GOLGA1: variants seen among roughly 807,000 people sequenced by gnomAD.
GOLGA1 encodes the protein golgin subfamily A member 1.
Under a neutral mutation model 119.7 loss-of-function variants are expected in GOLGA1, and 63 were observed. That is an observed-to-expected ratio of 0.53 (90% CI 0.43 to 0.65). The LOEUF (loss-of-function observed/expected upper bound fraction) is 0.65, where lower values mean the gene tolerates loss of function less well. GOLGA1 is among the 30% of genes least tolerant of loss of function. The pLI is 0.00. For missense variants in GOLGA1, 798 were observed against 912.8 expected (o/e 0.87, Z 1.62); for synonymous variants, 318 against 333.4 (o/e 0.95, Z 0.50).
intron 15 of GOLGA1, 35 bp from the exon 16 acceptor site, chr9:124,890,513 A>G: frequency 6.6e-7 from 1 of 1,512,888 alleles, no homozygotes; most frequent in South Asian, 1.1e-5. Context: ...CCCAAAACTT[A>G]GTTCACAGTT....
At chr9:124,907,826 T>C (rs562320545) in intron 12 of GOLGA1, among the ~76,000 whole-genome samples, 12 of 152,264 alleles carry the variant, frequency 7.9e-5, no homozygotes, top group African/African-American at 2.9e-4. Flanking sequence ...CAGAAAGGCA[T>C]ATATAGGAAC....
chr9:124,905,110 C>T (rs1468394919), intron 12 of GOLGA1, among the ~76,000 whole-genome samples: 1 of 150,518 alleles, frequency 6.6e-6, no homozygotes, highest in East Asian at 1.9e-4. Context: ...CAGGACACTA[C>T]ACTACAGCTT....
intron 10 of GOLGA1, among the ~76,000 whole-genome samples, chr9:124,913,126 A>G (rs537646051): frequency 1.3e-5 from 2 of 152,178 alleles, no homozygotes; most frequent in Non-Finnish European, 2.9e-5. Context: ...CGAGGGGGGA[A>G]GTGCCATACT....
At chr9:124,911,155 G>A (rs145477183) in intron 11 of GOLGA1, among the ~76,000 whole-genome samples, 37 of 152,360 alleles carry the variant, frequency 2.4e-4, no homozygotes, top group South Asian at 4.1e-4. Context: ...GGCAGTGAGC[G>A]TGGGAGACTG....
Position 124,900,439 on chromosome 9 carries a change from A to G in GOLGA1, c.1161+13T>C, listed in dbSNP as rs529150723. 2 of 1,304,298 alleles carry G rather than the reference A, an allele frequency of 1.5e-6. No individual in the cohort carries two copies. Among genetic ancestry groups the G allele is most frequent in the Non-Finnish European group, 1.1e-6 (1 of 897,108 alleles). 80.8% of individuals were successfully genotyped at this position (1,304,298 alleles called of 1,614,324 possible). A position where few individuals can be genotyped will look rare whatever the true frequency, so the allele number is the denominator to read the frequency against. On this transcript the variant is annotated intron_variant, in intron 13 of 22. Coordinates refer to ENST00000373555, the MANE Select transcript of GOLGA1 (RefSeq NM_002077.4). ...TAAGGGCCTGGAATGCAGCAGCTCC[A>G]ATAAGCACTTACGAGCTCCTGTATC...
At chr9:124,910,927 C>T (rs948144997) in intron 11 of GOLGA1, among the ~76,000 whole-genome samples, 2 of 152,202 alleles carry the variant, frequency 1.3e-5, no homozygotes, top group Non-Finnish European at 2.9e-5. Flanking sequence ...AACTGTCTTC[C>T]ACGAAACCAG....
chr9:124,926,649 G>T, intron 7 of GOLGA1, 60 bp downstream of exon 7: 1 of 1,080,016 alleles, frequency 9.3e-7, no homozygotes, highest in Non-Finnish European at 1.4e-6. Context: ...CGGATAAAAC[G>T]TTTTCCATAC....
intron 3 of GOLGA1, among the ~76,000 whole-genome samples, chr9:124,937,472 CA>C (rs1183491514): frequency 2.7e-5 from 4 of 149,540 alleles, no homozygotes; most frequent in African/African-American, 7.4e-5. Context: ...AAACTAAAAA[CA>C]AAAAAAAATT....
At chr9:124,923,959 G>T (rs1830621414) in intron 7 of GOLGA1, among the ~76,000 whole-genome samples, 1 of 152,170 alleles carries the variant, frequency 6.6e-6, no homozygotes, top group Non-Finnish European at 1.5e-5. Context: ...AGGTTGAAGT[G>T]ATTTTCATGC....
chr9:124,947,296 G>A (rs539950011), intron 1 of GOLGA1: 22 of 152,254 alleles, frequency 1.4e-4, no homozygotes, highest in South Asian at 6.2e-4. Flanking sequence ...CTAAGAATCT[G>A]CTGGTGTCTC....
At chr9:124,927,674 CT>C (rs1830699945) in intron 6 of GOLGA1, among the ~76,000 whole-genome samples, 1 of 151,998 alleles carries the variant, frequency 6.6e-6, no homozygotes, top group African/African-American at 2.4e-5. Flanking sequence ...ATTTTCCTTC[CT>C]TGTGGTTATT....
chr9:124,898,509 T>C, intron 15 of GOLGA1, 40 bp downstream of exon 15: 1 of 1,149,960 alleles, frequency 8.7e-7, no homozygotes, highest in Non-Finnish European at 1.3e-6. Context: ...GTAGAAAACA[T>C]GAACACTTTT....
intron 10 of GOLGA1, among the ~76,000 whole-genome samples, chr9:124,914,057 G>A (rs1171898629): frequency 6.6e-6 from 1 of 152,170 alleles, no homozygotes; most frequent in Non-Finnish European, 1.5e-5. Context: ...AGGAAAGTGA[G>A]TGAGTGTGAT....
chr9:124,924,644 A>AAAAAAAAAG (rs1830638038), intron 7 of GOLGA1, among the ~76,000 whole-genome samples: 1 of 151,306 alleles, frequency 6.6e-6, no homozygotes, highest in Non-Finnish European at 1.5e-5. Flanking sequence ...CTCAAAAAAA[A>AAAAAAAAAG]AAAAAAAGAA....
At chr9:124,890,554 C>A in intron 15 of GOLGA1, 76 bp from the exon 16 acceptor site, 3 of 1,089,584 alleles carry the variant, frequency 2.8e-6, no homozygotes, top group Admixed American at 1.7e-5. Flanking sequence ...AGAAGCCCAG[C>A]AGACAGGGCA....
intron 22 of GOLGA1, among the ~76,000 whole-genome samples, chr9:124,880,816 G>A (rs1484850083): frequency 2.0e-5 from 3 of 152,204 alleles, no homozygotes; most frequent in Non-Finnish European, 4.4e-5. Flanking sequence ...AAAACACTGA[G>A]TTGACAGGAA....
chr9:124,916,877 CAAAAAA>C (rs71494043), intron 10 of GOLGA1, among the ~76,000 whole-genome samples: 3 of 41,220 alleles, frequency 7.3e-5, no homozygotes, highest in African/African-American at 3.2e-4. Flanking sequence ...CCCTGACACA[CAAAAAA>C]AAAAAAAAAA....
chr9:124,906,658 A>AGGAGAATCGCTT (rs1172280121), intron 12 of GOLGA1, among the ~76,000 whole-genome samples: 1 of 152,106 alleles, frequency 6.6e-6, no homozygotes, highest in East Asian at 1.9e-4. Flanking sequence ...AGGCTGAAGC[A>AGGAGAATCGCTT]GGAGAATCGC....
chr9:124,915,117 G>A lies in GOLGA1; in HGVS notation c.844-3091C>T, dbSNP rs796100184. Among the ~76,000 whole-genome samples, 21 of 152,252 alleles carry A rather than the reference G, an allele frequency of 1.4e-4. No individual in the cohort carries two copies. In the South Asian group the frequency reaches 3.9e-3, roughly 29 times the overall value. On this transcript the variant is annotated intron_variant, in intron 10 of 22. Transcript: ENST00000373555. ...CTCCCTCCCGAGTCTGGGTCTCACA[G>A]TTATAGTCCCAGAATATGGACTGCA...
Sources: gnomAD v4.1 joint callset for allele counts (sites outside exome capture counted in the v4.1 genomes callset) on GRCh38, gnomAD v4.1.1 for gene constraint, MANE v1.5 for transcripts, NCBI Gene and HGNC (gene_info 2026-07-23, HGNC 2026-07-21) for gene names.